The following CIDEA variants were observed in gnomAD, a reference collection of about 807,000 sequenced individuals.
CIDEA encodes cell death inducing DFFA like effector a.
Under a neutral mutation model 18.2 loss-of-function variants are expected in CIDEA, and 10 were observed. The ratio of observed to expected loss-of-function variants is 0.55; its 90% CI spans 0.34 to 0.93. The LOEUF (loss-of-function observed/expected upper bound fraction) is 0.93, where lower values mean the gene tolerates loss of function less well. Among genes scored for constraint, CIDEA ranks in the 40% least tolerant of loss-of-function variants. The probability of loss-of-function intolerance (pLI) is 0.02; values close to 1 mark genes in which losing one functional copy is unlikely to be tolerated. For missense variants in CIDEA, 309 were observed against 293.1 expected, an observed-to-expected ratio of 1.05 and a Z score of -0.40; for synonymous variants, 128 against 124.8, an observed-to-expected ratio of 1.03 and a Z score of -0.17.
In CIDEA at chr18:12,254,878, G is replaced by C. The variant is rs763797332; in HGVS notation, c.38+457G>C. On this transcript the variant is annotated intron_variant, in intron 1 of 4. Transcript: ENST00000320477. ...CACAACGGGAGCTGGGCGCGGGAGG[G>C]GCCCAGGCTTGGCCCCTCCTGGAAG... The C allele has an allele frequency of 6.8e-6, 9 of 1,318,386 alleles. No individual in the cohort carries two copies. In the South Asian group the frequency reaches 1.1e-4, roughly 16 times the overall value. 81.7% of individuals were successfully genotyped at this position (1,318,386 alleles called of 1,614,324 possible). A position where few individuals can be genotyped will look rare whatever the true frequency, so the allele number is the denominator to read the frequency against.
chr18:12,255,954 C>T (rs1047772472), intron 1 of CIDEA, among the ~76,000 whole-genome samples: 1 of 152,182 alleles, frequency 6.6e-6, no homozygotes, highest in Non-Finnish European at 1.5e-5. Flanking sequence ...AATGACTCTA[C>T]CTGTTATGGA....
chr18:12,266,028 C>T (rs1003730171), intron 3 of CIDEA, among the ~76,000 whole-genome samples: 1 of 151,992 alleles, frequency 6.6e-6, no homozygotes, highest in African/African-American at 2.4e-5. Flanking sequence ...AATTGAAGAC[C>T]AGCCTAGGCA....
Position 12,254,393 on chromosome 18 carries a change from G to A in CIDEA, c.10G>A (p.Ala4Thr). Residue 4 changes from alanine to threonine, a missense_variant, in exon 1 of 5, where the codon GCC becomes ACC. Physicochemically the swap from Ala to Thr is moderately conservative, Grantham distance 58. Coordinates refer to ENST00000320477, the MANE Select transcript of CIDEA (RefSeq NM_001279.4). MEA[A>T]RDYAGALIRP... ...CTAGGGGATCCGCGCCATGGAGGCC[G>A]CCCGGGACTATGCAGGAGCCCTCAT... is the stretch of plus-strand genomic sequence containing the variant. 1.3e-6 allele frequency: 2 copies of A among 1,554,646 alleles called. No homozygotes were observed. The highest frequency in any genetic ancestry group is 2.3e-5 in the East Asian group (1 of 44,148).
Position 12,274,155 on chromosome 18 carries a change from C to T in CIDEA, c.393C>T (p.Phe131=), listed in dbSNP as rs758893653. The part of the protein sequence containing the change: ...PKRSGIARVT[F]DLYRLNPKDF... ...GGTCGGGAATAGCGAGAGTCACCTT[C>T]GACTTGTACAGGCTGAACCCCAAGG... The change falls in exon 4 of 5, where the codon TTC becomes TTT. Residue 131 remains phenylalanine (F), a synonymous_variant. Transcript: ENST00000320477. 3.8e-5 allele frequency: 61 copies of T among 1,614,058 alleles called. No individual in the cohort carries two copies. The highest frequency in any genetic ancestry group is 4.8e-5 in the Non-Finnish European group (57 of 1,180,048).
intron 1 of CIDEA, 108 bp from the exon 2 acceptor site, chr18:12,262,717 T>C: frequency 9.3e-7 from 1 of 1,075,850 alleles, no homozygotes. Context: ...AACAACTGAA[T>C]TTCTTTCTTT....
At chr18:12,270,833 A>G (rs552435232) in intron 3 of CIDEA, among the ~76,000 whole-genome samples, 68 of 151,224 alleles carry the variant, frequency 4.5e-4, no homozygotes, top group Non-Finnish European at 8.4e-4. Context: ...AACAGCAAAA[A>G]TAATGCCCCC....
rs183536306 is a variant in CIDEA, at chr18:12,269,459, C to T, written c.331-4634C>T. 2.4e-4 allele frequency among the ~76,000 whole-genome samples: 36 copies of T among 152,272 alleles called. No homozygotes were observed. In the East Asian group the frequency reaches 6.7e-3, roughly 29 times the overall value. On this transcript the variant is annotated intron_variant, in intron 3 of 4. Transcript: ENST00000320477. ...GTGTTTTCAGAAAGGTCAGATGCAG[C>T]GTGTAATCTGAAGGTATACCAGTGA...
intron 3 of CIDEA, among the ~76,000 whole-genome samples, chr18:12,272,325 G>C (rs995422138): frequency 6.6e-6 from 1 of 152,146 alleles, no homozygotes; most frequent in Non-Finnish European, 1.5e-5. Context: ...TGCTTCTCCT[G>C]CCTCAGCCTT....
intron 4 of CIDEA, among the ~76,000 whole-genome samples, chr18:12,274,565 C>T (rs2144088974): frequency 6.6e-6 from 1 of 152,324 alleles, no homozygotes; most frequent in East Asian, 1.9e-4. Flanking sequence ...AACTAGAGCA[C>T]TTAATTCTAG....
In CIDEA at chr18:12,277,220, G is replaced by C. The variant is rs1372139736; in HGVS notation, c.610G>C (p.Glu204Gln). The C allele has an allele frequency of 3.7e-6, 6 of 1,614,116 alleles. No individual in the cohort carries two copies. Among genetic ancestry groups the C allele is most frequent in the African/African-American group, 1.3e-5 (1 of 74,938 alleles). ...YMLRVLDDKEERPSLRSQAKG... is the reference protein window; with the variant it reads ...YMLRVLDDKEQRPSLRSQAKG... ...GCTCCGGGTGCTGGATGACAAGGAA[G>C]AGCGGCCATCCCTCCGGTCACAAGC... Residue 204 changes from glutamate to glutamine, a missense_variant, in exon 5 of 5, where the codon GAG becomes CAG. By Grantham distance (29) the Glu-to-Gln change is conservative. Transcript: ENST00000320477.
At chr18:12,264,727 G>T (rs1008018462) in intron 3 of CIDEA, among the ~76,000 whole-genome samples, 6 of 151,964 alleles carry the variant, frequency 3.9e-5, no homozygotes, top group Non-Finnish European at 8.8e-5. Flanking sequence ...CTAACTTTTT[G>T]TATTTTTAGT....
intron 1 of CIDEA, among the ~76,000 whole-genome samples, chr18:12,255,823 G>A (rs1282984186): frequency 5.3e-5 from 8 of 152,176 alleles, no homozygotes; most frequent in Non-Finnish European, 8.8e-5. Context: ...ATCTGTGTGG[G>A]GTCTCTGTGA....
intron 3 of CIDEA, among the ~76,000 whole-genome samples, chr18:12,271,721 C>T (rs1386390743): frequency 6.6e-6 from 1 of 152,172 alleles, no homozygotes; most frequent in East Asian, 1.9e-4. Context: ...TCGCGGCCCC[C>T]GTTTCGGCTG....
At position 12,277,442 on chromosome 18, in the gene CIDEA, G is replaced by A; in HGVS notation, c.*172G>A. 4.0e-6 allele frequency: 3 copies of A among 758,330 alleles called. No homozygotes were observed. Among genetic ancestry groups the A allele is most frequent in the East Asian group, 2.8e-5 (1 of 35,914 alleles). The allele number at this position is 758,330 out of a possible 1,614,324, so 47.0% of individuals were successfully genotyped here. Reference sequence around the variant, plus strand: ...GGGCTTGGTGGTACATGAAGTGGGGGCAGTGGGCAGGGTGCCCTGGGGGGG... The same window carrying A: ...GGGCTTGGTGGTACATGAAGTGGGGACAGTGGGCAGGGTGCCCTGGGGGGG... On this transcript the variant is annotated 3_prime_UTR_variant, in exon 5 of 5. Transcript: ENST00000320477.
In CIDEA at chr18:12,261,560, C is replaced by A. The variant is rs563917592; in HGVS notation, c.39-1265C>A. 9.9e-5 allele frequency among the ~76,000 whole-genome samples: 15 copies of A among 152,026 alleles called. No individual in the cohort carries two copies. In the South Asian group the frequency reaches 1.5e-3, roughly 15 times the overall value. ...ATGTGTTGAAGGCAGTTTCCCTTTT[C>A]TTTTCTTTTTTCTTTTTCTTTCAGT... On this transcript the variant is annotated intron_variant, in intron 1 of 4. Transcript: ENST00000320477.
chr18:12,264,051 A>G (rs1247947228), intron 2 of CIDEA, among the ~76,000 whole-genome samples: 1 of 152,134 alleles, frequency 6.6e-6, no homozygotes, highest in Non-Finnish European at 1.5e-5. Context: ...GTGATGCACT[A>G]TGATTGTGTC....
intron 3 of CIDEA, among the ~76,000 whole-genome samples, chr18:12,268,380 G>GTTT (rs11461529): frequency 1.3e-3 from 180 of 136,278 alleles, no homozygotes; most frequent in African/African-American, 4.8e-3. Flanking sequence ...GCCCCCAGTG[G>GTTT]TTTTTTTTTT....
chr18:12,266,814 G>A (rs1366603660), intron 3 of CIDEA, among the ~76,000 whole-genome samples: 1 of 149,768 alleles, frequency 6.7e-6, no homozygotes, highest in Non-Finnish European at 1.5e-5. Flanking sequence ...AGGCTTGAGT[G>A]CAGTGGTGTG....
intron 3 of CIDEA, among the ~76,000 whole-genome samples, chr18:12,270,452 A>G (rs1486364506): frequency 1.3e-5 from 2 of 152,160 alleles, no homozygotes; most frequent in Non-Finnish European, 2.9e-5. Flanking sequence ...GCACTTTGGG[A>G]GGCCAAGGTG....
Sources: allele counts gnomAD v4.1 joint callset (sites outside exome capture counted in the v4.1 genomes callset), GRCh38; gene constraint gnomAD v4.1.1; transcripts MANE v1.5; gene names NCBI Gene and HGNC (gene_info 2026-07-23, HGNC 2026-07-21).